ZNF875: variants seen among roughly 807,000 people sequenced by gnomAD.
The protein encoded by ZNF875 is HKR1, GLI-Kruppel zinc finger family member.
ZNF875 carries 14 observed loss-of-function variants against 11.2 expected under a neutral mutation model. The ratio of observed to expected loss-of-function variants is 1.26; its 90% CI spans 0.83 to 1.96. The LOEUF is 1.96. ZNF875 is among the 30% of genes most tolerant of loss of function. The pLI is 0.00. For synonymous variants in ZNF875, 301 were observed against 281.1 expected (o/e 1.07, Z -0.71); for missense variants, 752 against 760.4 (o/e 0.99, Z 0.13).
At chr19:37,316,431 G>T (rs2030193658), upstream of ZNF875, among the ~76,000 whole-genome samples, 1 of 152,072 alleles carries the variant, frequency 6.6e-6, no homozygotes, top group Non-Finnish European at 1.5e-5. Context: ...GTGCAATATC[G>T]CGATCTCGGC....
intron 4 of ZNF875, among the ~76,000 whole-genome samples, chr19:37,356,590 C>T (rs1388613859): frequency 6.6e-6 from 1 of 152,110 alleles, no homozygotes; most frequent in Non-Finnish European, 1.5e-5. Flanking sequence ...TGATTTTGAG[C>T]ATTTTTTATG....
upstream of ZNF875, chr19:37,314,831 C>T (rs1186461116): frequency 6.6e-6 from 1 of 150,490 alleles, no homozygotes; most frequent in Non-Finnish European, 1.5e-5. Context: ...GTGGACTAGA[C>T]TCTGGAGGAA....
rs980767723 is a variant in ZNF875, at chr19:37,339,563, T to TTC, written c.33+4307_33+4308insCT. Among the ~76,000 whole-genome samples the TTC allele has an allele frequency of 3.3e-5, 5 of 150,116 alleles. No individual in the cohort carries two copies. In the East Asian group the frequency reaches 5.9e-4, roughly 18 times the overall value. On this transcript the variant is annotated intron_variant, in intron 2 of 4. Transcript: ENST00000392153. Reference sequence around the variant, plus strand: ...CTGCCAGTTTTTTTTTTTTTTTTTTTTGAGACAGAGTCTCGCTCTGTCACT... The same window carrying TTC: ...CTGCCAGTTTTTTTTTTTTTTTTTTTTCTGAGACAGAGTCTCGCTCTGTCACT...
intron 4 of ZNF875, among the ~76,000 whole-genome samples, chr19:37,352,700 G>A (rs775107507): frequency 2.0e-5 from 3 of 151,760 alleles, no homozygotes; most frequent in Admixed American, 6.6e-5. Flanking sequence ...CAATCTCTAC[G>A]TTTTGTTGGA....
At chr19:37,322,515 C>T (rs1022680454) in intron 2 of ZNF875, among the ~76,000 whole-genome samples, 1 of 152,194 alleles carries the variant, frequency 6.6e-6, no homozygotes. Context: ...GATTGATTTT[C>T]AGTCAATGAG....
In ZNF875 at chr19:37,359,555, C is replaced by T. The variant is rs147533742; in HGVS notation, c.257-2554C>T. ...AGTAGCTGGGACTACAGGTGCACAC[C>T]ACCACACCTGGCTAATTTTTTGTAT... On this transcript the variant is annotated intron_variant, in intron 4 of 4. Transcript: ENST00000392153. 406 of 238,214 alleles carry T rather than the reference C, an allele frequency of 1.7e-3. 8 individuals carry two copies. In the East Asian group the frequency reaches 0.052, roughly 30 times the overall value. 14.8% of individuals were successfully genotyped at this position (238,214 alleles called of 1,614,324 possible).
intron 4 of ZNF875, among the ~76,000 whole-genome samples, chr19:37,348,632 T>A (rs2037283676): frequency 6.6e-6 from 1 of 152,248 alleles, no homozygotes; most frequent in South Asian, 2.1e-4. Flanking sequence ...CTATATAATA[T>A]TGTATTTTAT....
At chr19:37,324,782 T>C (rs903850872) in intron 4 of ZNF875, 25 of 157,498 alleles carry the variant, frequency 1.6e-4, no homozygotes, top group Admixed American at 6.1e-4. Flanking sequence ...TCTCTCTCTT[T>C]TTTTTTTTTT....
At position 37,320,087 on chromosome 19, in the gene ZNF875, C is replaced by T. The variant is rs148743860; in HGVS notation, c.-747+1901C>T. 1.9e-3 allele frequency among the ~76,000 whole-genome samples: 288 copies of T among 152,214 alleles called. 1 individual carries two copies. The highest frequency in any genetic ancestry group is 5.3e-3 in the Admixed American group (81 of 15,294). ...TATTTTCAGTAGAGATGGGGTTTCA[C>T]CGTGGTCTCGATCTCCTGACTTCGT... On this transcript the variant is annotated intron_variant, in intron 1 of 5. Coordinates refer to the ZNF875 transcript ENST00000544914.
At chr19:37,347,166 G>C in intron 2 of ZNF875, 24 bp from the exon 3 acceptor site, 1 of 1,613,562 alleles carries the variant, frequency 6.2e-7, no homozygotes, top group Non-Finnish European at 8.5e-7. Flanking sequence ...TCCTGGGTGA[G>C]CAGAGGTGTG....
At chr19:37,354,634 C>G (rs1186582651) in intron 4 of ZNF875, among the ~76,000 whole-genome samples, 1 of 151,872 alleles carries the variant, frequency 6.6e-6, no homozygotes. Flanking sequence ...GTGGTTTGTC[C>G]CCACCACAAC....
chr19:37,354,418 C>T, intron 4 of ZNF875, among the ~76,000 whole-genome samples: 1 of 151,274 alleles, frequency 6.6e-6, no homozygotes, highest in Non-Finnish European at 1.5e-5. Flanking sequence ...TTTCCAGTGC[C>T]TTTGAGTAGT....
upstream of ZNF875, among the ~76,000 whole-genome samples, chr19:37,330,957 C>G (rs1307581493): frequency 1.3e-5 from 2 of 151,882 alleles, no homozygotes; most frequent in Admixed American, 6.6e-5. Flanking sequence ...GAGGCTGAGG[C>G]GGGTGGATCA....
chr19:37,333,528 G>C (rs145920006), upstream of ZNF875, among the ~76,000 whole-genome samples: 307 of 152,232 alleles, frequency 2.0e-3, no homozygotes, highest in African/African-American at 7.1e-3. Context: ...CATTCTGGAG[G>C]GGGTAGGGTG....
At chr19:37,338,279 C>T (rs1000110173) in intron 2 of ZNF875, among the ~76,000 whole-genome samples, 13 of 152,124 alleles carry the variant, frequency 8.5e-5, no homozygotes, top group African/African-American at 2.4e-4. Context: ...CATGCCACCA[C>T]GCCCGGCTAA....
At chr19:37,332,413 C>T (rs897927898), upstream of ZNF875, among the ~76,000 whole-genome samples, 5 of 151,990 alleles carry the variant, frequency 3.3e-5, no homozygotes, top group African/African-American at 9.7e-5. Flanking sequence ...GATGGGGTTT[C>T]GCAATGTTGG....
At chr19:37,350,454 A>C (rs544671917) in intron 4 of ZNF875, among the ~76,000 whole-genome samples, 1 of 152,158 alleles carries the variant, frequency 6.6e-6, no homozygotes, top group South Asian at 2.1e-4. Context: ...TAATACAGAG[A>C]GTTTCCATTT....
intron 1 of ZNF875, 101 bp downstream of exon 1, chr19:37,334,883 C>T (rs1327658430): frequency 4.6e-5 from 21 of 455,210 alleles, no homozygotes; most frequent in Non-Finnish European, 8.7e-6. Flanking sequence ...AGGGCGCTCT[C>T]CTTTGGGCAC....
At chr19:37,326,075 C>T (rs1187725644) in intron 4 of ZNF875, among the ~76,000 whole-genome samples, 1 of 152,166 alleles carries the variant, frequency 6.6e-6, no homozygotes, top group Non-Finnish European at 1.5e-5. Context: ...ATTCCTGGCT[C>T]AAGCAGTCCT....
Sources: allele counts gnomAD v4.1 joint callset (sites outside exome capture counted in the v4.1 genomes callset), GRCh38; gene constraint gnomAD v4.1.1; transcripts MANE v1.5; gene names NCBI Gene and HGNC (gene_info 2026-07-23, HGNC 2026-07-21).